The following KIAA1549 variants were observed in gnomAD, a reference collection of about 807,000 sequenced individuals.
The protein encoded by KIAA1549 is KIAA1549, also known as UPF0606 protein KIAA1549.
KIAA1549 carries 70 observed loss-of-function variants against 156.4 expected under a neutral mutation model. The observed-to-expected ratio is 0.45, with a 90% confidence interval of 0.37 to 0.55. KIAA1549 has a LOEUF of 0.55. KIAA1549 is among the 20% of genes least tolerant of loss of function. KIAA1549 has a pLI of 0.00. For synonymous variants in KIAA1549, 1,103 were observed against 1,066.4 expected, an observed-to-expected ratio of 1.03 and a Z score of -0.67; for missense variants, 2,428 against 2,540.9, an observed-to-expected ratio of 0.96 and a Z score of 0.96.
chr7:138,916,950 A>C lies in KIAA1549; in HGVS notation c.2676T>G (p.Thr892=), dbSNP rs747203375. Residue 892 remains threonine, a synonymous_variant, in exon 2 of 20, where the codon ACT becomes ACG. Transcript: ENST00000422774. The part of the protein sequence containing the change: ...EVSTTSTGAA[T]GGPLDSTLMG... ...TCAGGGTGGAGTCGAGGGGACCACC[A>C]GTGGCAGCACCGGTGCTGGTTGTGC... The C allele has an allele frequency of 1.2e-6, 2 of 1,606,892 alleles. No homozygotes were observed. Among genetic ancestry groups the C allele is most frequent in the South Asian group, 2.2e-5 (2 of 89,686 alleles).
chr7:138,877,629 C>T lies in KIAA1549; in HGVS notation c.4345+1909G>A, dbSNP rs369397827. 4.6e-5 allele frequency among the ~76,000 whole-genome samples: 7 copies of T among 152,274 alleles called. No individual in the cohort carries two copies. The East Asian group carries it at 1.2e-3, about 25-fold the overall frequency. ...GCAGCATTAAAGCTATCTAATGGCA[C>T]CTTTCAAGAAGTAAAGTTCTAAAAG... On this transcript the variant is annotated intron_variant, in intron 12 of 19. Coordinates refer to ENST00000422774, the MANE Select transcript of KIAA1549 (RefSeq NM_001164665.2).
chr7:138,867,509 C>G (rs1810781833), intron 15 of KIAA1549, among the ~76,000 whole-genome samples: 1 of 151,330 alleles, frequency 6.6e-6, no homozygotes, highest in Non-Finnish European at 1.5e-5. Context: ...GAGCCTGGAT[C>G]ACACCACTGC....
In KIAA1549 at chr7:138,917,097, G is replaced by A; in HGVS notation, c.2529C>T (p.Tyr843=). ...PTGTVLITDA[Y]LPSGSSFVSE... is the part of the protein sequence containing the mutation. Reference sequence around the variant, plus strand: ...AAACAAACGAGGATCCTGATGGCAGGTACGCGTCAGTGATCAACACCGTAC... The same window carrying A: ...AAACAAACGAGGATCCTGATGGCAGATACGCGTCAGTGATCAACACCGTAC... The change falls in exon 2 of 20, where the codon TAC becomes TAT. Residue 843 remains tyrosine (Y), a synonymous_variant. Transcript: ENST00000422774. The A allele has an allele frequency of 6.2e-7, 1 of 1,610,232 alleles. No individual in the cohort carries two copies. The highest frequency in any genetic ancestry group is 1.1e-5 in the South Asian group (1 of 90,232).
chr7:138,871,403 C>T (rs1810935119), intron 12 of KIAA1549, 41 bp from the exon 13 acceptor site: 4 of 1,467,678 alleles, frequency 2.7e-6, no homozygotes, highest in Non-Finnish European at 3.6e-6. Flanking sequence ...ACGAAGTCAT[C>T]TAAAGAAACA....
intron 12 of KIAA1549, among the ~76,000 whole-genome samples, chr7:138,872,506 T>C (rs979025927): frequency 6.6e-6 from 1 of 152,190 alleles, no homozygotes; most frequent in African/African-American, 2.4e-5. Flanking sequence ...CTGTAATAAG[T>C]ATTATTTTTA....
At chr7:138,949,086 C>T (rs916497836) in intron 1 of KIAA1549, among the ~76,000 whole-genome samples, 1 of 152,254 alleles carries the variant, frequency 6.6e-6, no homozygotes, top group South Asian at 2.1e-4. Flanking sequence ...TTCTTACCTG[C>T]TTGTGTTTGC....
chr7:138,961,408 T>C (rs1223743158), intron 1 of KIAA1549, among the ~76,000 whole-genome samples: 2 of 152,128 alleles, frequency 1.3e-5, no homozygotes, highest in Non-Finnish European at 2.9e-5. Flanking sequence ...GCTCCTACCG[T>C]GGGCTGAGAG....
chr7:138,903,824 TG>T, intron 7 of KIAA1549, 88 bp from the exon 8 acceptor site: 2 of 322,766 alleles, frequency 6.2e-6, no homozygotes, highest in Non-Finnish European at 1.0e-5. Flanking sequence ...TGTGTGTGTG[TG>T]TGTGTGTGTG....
chr7:138,971,651 A>G (rs1563099025), intron 1 of KIAA1549, among the ~76,000 whole-genome samples: 1 of 152,018 alleles, frequency 6.6e-6, no homozygotes, highest in African/African-American at 2.4e-5. Context: ...TGTCACAACA[A>G]AACCCACCCC....
At chr7:138,861,801 T>C (rs991801095) in intron 15 of KIAA1549, among the ~76,000 whole-genome samples, 1 of 151,894 alleles carries the variant, frequency 6.6e-6, no homozygotes, top group Non-Finnish European at 1.5e-5. Flanking sequence ...AGCCCAGGAA[T>C]TTGAGCTTTC....
chr7:138,841,847 T>G (rs1314170545), intron 18 of KIAA1549, among the ~76,000 whole-genome samples: 1 of 150,604 alleles, frequency 6.6e-6, no homozygotes, highest in Non-Finnish European at 1.5e-5. Context: ...ATTATAGCTG[T>G]GAGCTATCGT....
In KIAA1549 at chr7:138,861,054, T is replaced by C. The variant is rs955674059; in HGVS notation, c.5247+85A>G. On this transcript the variant is annotated intron_variant, in intron 16 of 19. Transcript: ENST00000422774. ...ATTCTTATCAAATGCAACCACGGTT[T>C]TGTGCGGAGCCTGAAAGTCAGGCAG... is the stretch of plus-strand genomic sequence containing the variant. 7 of 1,376,366 alleles carry C rather than the reference T, an allele frequency of 5.1e-6. No homozygotes were observed. The African/African-American group carries it at 8.6e-5, about 17-fold the overall frequency. The allele number at this position is 1,376,366 out of a possible 1,614,324, so 85.3% of individuals were successfully genotyped here.
At chr7:138,845,057 C>T (rs905372841) in intron 17 of KIAA1549, among the ~76,000 whole-genome samples, 4 of 152,056 alleles carry the variant, frequency 2.6e-5, no homozygotes, top group African/African-American at 9.7e-5. Flanking sequence ...ATCTCCAGAC[C>T]TCTTTTGACT....
At position 138,837,651 on chromosome 7, in the gene KIAA1549, T is replaced by G. The variant is rs1809759864; in HGVS notation, c.*255A>C. 1 of 561,230 alleles carries G rather than the reference T, an allele frequency of 1.8e-6. No individual in the cohort carries two copies. The highest frequency in any genetic ancestry group is 3.1e-6 in the Non-Finnish European group (1 of 320,090). The allele number at this position is 561,230 out of a possible 1,614,324, so 34.8% of individuals were successfully genotyped here. On this transcript the variant is annotated 3_prime_UTR_variant, in exon 20 of 20. Transcript: ENST00000422774. ...AGCTTAGGTTTGTGTTTTGTTTTTG[T>G]GAAGTGCTGCTGGCTTTTGGCCAAA...
chr7:138,914,076 G>A (rs1322278907), intron 2 of KIAA1549, among the ~76,000 whole-genome samples: 2 of 151,878 alleles, frequency 1.3e-5, no homozygotes, highest in Non-Finnish European at 2.9e-5. Context: ...CTAAACTCGG[G>A]GGAAACAGAG....
intron 17 of KIAA1549, among the ~76,000 whole-genome samples, chr7:138,847,067 A>C (rs1187036514): frequency 2.0e-5 from 3 of 152,164 alleles, no homozygotes; most frequent in Non-Finnish European, 4.4e-5. Flanking sequence ...ACCTAATCAC[A>C]GTCTCTGGAC....
rs368203609 is a variant in KIAA1549 at position 138,881,635 on chromosome 7, G to A, written c.4033-51C>T. ...GATTGTTAACCCGGAATCCAAGGCT[G>A]ATGAGAGGAGCACAACTTCTGACCC... On this transcript the variant is annotated intron_variant, in intron 10 of 19. Transcript: ENST00000422774. 6 of 1,502,520 alleles carry A rather than the reference G, an allele frequency of 4.0e-6. No individual in the cohort carries two copies. In the East Asian group the frequency reaches 9.1e-5, roughly 23 times the overall value. The allele number at this position is 1,502,520 out of a possible 1,614,324, so 93.1% of individuals were successfully genotyped here.
At chr7:138,886,024 C>A (rs560464737) in intron 10 of KIAA1549, among the ~76,000 whole-genome samples, 20 of 152,030 alleles carry the variant, frequency 1.3e-4, no homozygotes, top group African/African-American at 1.9e-4. Flanking sequence ...AAAGCCCCCC[C>A]CCAAATTCGG....
rs897335906 is a variant in KIAA1549 at position 138,833,920 on chromosome 7, T to C, written c.*3986A>G. ...TCCTTCTCTTCTGAAACTCCCTCAA[T>C]AGTGCAGTCGGGGATTCTGTCCCCA... On this transcript the variant is annotated 3_prime_UTR_variant, in exon 20 of 20. Coordinates refer to ENST00000422774, the MANE Select transcript of KIAA1549 (RefSeq NM_001164665.2). 6 of 229,866 alleles carry C rather than the reference T, an allele frequency of 2.6e-5. No individual in the cohort carries two copies. Among genetic ancestry groups the C allele is most frequent in the African/African-American group, 1.3e-4 (6 of 45,146 alleles). 14.2% of individuals were successfully genotyped at this position (229,866 alleles called of 1,614,324 possible). A position where few individuals can be genotyped will look rare whatever the true frequency, so the allele number is the denominator to read the frequency against.
Sources: allele counts gnomAD v4.1 joint callset (sites outside exome capture counted in the v4.1 genomes callset), GRCh38; gene constraint gnomAD v4.1.1; transcripts MANE v1.5; gene names NCBI Gene and HGNC (gene_info 2026-07-23, HGNC 2026-07-21).